The following PACRG variants were observed in gnomAD, a reference collection of about 807,000 sequenced individuals.
The protein encoded by PACRG is parkin coregulated gene protein.
In PACRG, 29 loss-of-function variants were observed where a neutral mutation model predicts 29.7. The ratio of observed to expected loss-of-function variants is 0.98; its 90% CI spans 0.73 to 1.33. The LOEUF is 1.33. PACRG is among the 40% of genes most tolerant of loss of function. The pLI is 0.00. For missense variants in PACRG, 279 were observed against 316.2 expected (o/e 0.88, Z 0.89); for synonymous variants, 116 against 118.7 (o/e 0.98, Z 0.15).
rs1250560241 is a variant in PACRG at position 162,773,547 on chromosome 6, G to A, written c.157-40600G>A. On this transcript the variant is annotated intron_variant, in intron 1 of 4. Transcript: ENST00000366888. ...TTTTGAGACGGAGTCTCGCTCTGTC[G>A]CCCAGGCCGGACTGCGGACTGCAGT... is the stretch of plus-strand genomic sequence containing the variant. 4.9e-3 allele frequency among the ~76,000 whole-genome samples: 547 copies of A among 110,590 alleles called. 1 individual carries two copies. The highest frequency in any genetic ancestry group is 0.019 in the African/African-American group (519 of 27,850). The allele number at this position is 110,590 out of a possible 152,430, so 72.6% of individuals were successfully genotyped here. A position where few individuals can be genotyped will look rare whatever the true frequency, so the allele number is the denominator to read the frequency against.
intron 4 of PACRG, among the ~76,000 whole-genome samples, chr6:163,249,357 A>T (rs1782816714): frequency 6.6e-6 from 1 of 152,198 alleles, no homozygotes; most frequent in South Asian, 2.1e-4. Context: ...AAAAAAAAAC[A>T]TGCCCATTAT....
At chr6:163,029,094 C>T (rs1300865156) in intron 2 of PACRG, among the ~76,000 whole-genome samples, 1 of 152,282 alleles carries the variant, frequency 6.6e-6, no homozygotes, top group Admixed American at 6.5e-5. Flanking sequence ...GGAGATGTAA[C>T]GGTGGAGGCA....
intron 1 of PACRG, among the ~76,000 whole-genome samples, chr6:162,736,474 G>A (rs1780172357): frequency 6.6e-6 from 1 of 152,110 alleles, no homozygotes; most frequent in Non-Finnish European, 1.5e-5. Context: ...GGGAGAAAAT[G>A]TGTAATATGA....
chr6:163,203,647 T>C (rs1049603819), intron 4 of PACRG, among the ~76,000 whole-genome samples: 3 of 152,198 alleles, frequency 2.0e-5, no homozygotes, highest in Admixed American at 2.0e-4. Context: ...CCGCTCTTTC[T>C]GAATCCATAG....
chr6:163,167,696 A>G (rs1778878145), intron 4 of PACRG, among the ~76,000 whole-genome samples: 1 of 152,240 alleles, frequency 6.6e-6, no homozygotes, highest in African/African-American at 2.4e-5. Flanking sequence ...AAAAATAGAA[A>G]TTTTAGTTTG....
chr6:162,999,097 G>T (rs1162151506), intron 2 of PACRG, among the ~76,000 whole-genome samples: 3 of 151,500 alleles, frequency 2.0e-5, no homozygotes, highest in Non-Finnish European at 4.4e-5. Flanking sequence ...GAAAGAATAT[G>T]AAAAAAAAGT....
intron 1 of PACRG, among the ~76,000 whole-genome samples, chr6:162,797,727 C>A (rs988347757): frequency 2.0e-5 from 3 of 152,066 alleles, no homozygotes; most frequent in South Asian, 2.1e-4. Context: ...CCAGACTTTA[C>A]GTCTCTTTCA....
chr6:163,256,976 G>T (rs534317132), intron 4 of PACRG, among the ~76,000 whole-genome samples: 1 of 152,030 alleles, frequency 6.6e-6, no homozygotes, highest in Non-Finnish European at 1.5e-5. Context: ...GTGTTCCTTG[G>T]CTCGTAGACA....
At chr6:163,202,819 C>T (rs1446453682) in intron 4 of PACRG, among the ~76,000 whole-genome samples, 2 of 152,172 alleles carry the variant, frequency 1.3e-5, no homozygotes, top group Non-Finnish European at 2.9e-5. Flanking sequence ...CAAGTACTTT[C>T]ACATGGAGTT....
At chr6:162,846,024 C>G (rs1043167082) in intron 2 of PACRG, among the ~76,000 whole-genome samples, 3 of 152,068 alleles carry the variant, frequency 2.0e-5, no homozygotes, top group African/African-American at 7.2e-5. Context: ...GAGCCAGTGA[C>G]AGGGTGGGGG....
chr6:162,740,891 G>T (rs1026208436), intron 1 of PACRG, among the ~76,000 whole-genome samples: 2 of 152,102 alleles, frequency 1.3e-5, no homozygotes, highest in African/African-American at 4.8e-5. Context: ...GAGCCACCAC[G>T]CCCAGCCATT....
intron 3 of PACRG, among the ~76,000 whole-genome samples, chr6:163,083,048 C>T (rs1813225676): frequency 6.6e-6 from 1 of 152,182 alleles, no homozygotes; most frequent in African/African-American, 2.4e-5. Flanking sequence ...ATCAGGGCGT[C>T]TCCTCTTTTC....
At chr6:163,062,653 A>G (rs1272069687) in intron 3 of PACRG, among the ~76,000 whole-genome samples, 1 of 152,094 alleles carries the variant, frequency 6.6e-6, no homozygotes, top group African/African-American at 2.4e-5. Context: ...TTTTTTGTAA[A>G]TGGCATCTCT....
At chr6:163,270,000 A>G (rs971638764) in intron 4 of PACRG, among the ~76,000 whole-genome samples, 5 of 114,492 alleles carry the variant, frequency 4.4e-5, no homozygotes, top group African/African-American at 1.7e-4. Flanking sequence ...AGAAAGAAAG[A>G]AAGAAAGGAG....
At chr6:163,079,623 C>T (rs1221006553) in intron 3 of PACRG, among the ~76,000 whole-genome samples, 1 of 152,062 alleles carries the variant, frequency 6.6e-6, no homozygotes, top group Non-Finnish European at 1.5e-5. Flanking sequence ...TACTATTTTC[C>T]TAGGAGCTCC....
chr6:163,117,893 T>A (rs981403460), intron 4 of PACRG, among the ~76,000 whole-genome samples: 2 of 152,156 alleles, frequency 1.3e-5, no homozygotes, highest in Admixed American at 1.3e-4. Flanking sequence ...TTCATGCTTG[T>A]TGTCTTACCT....
intron 4 of PACRG, among the ~76,000 whole-genome samples, chr6:163,229,117 TG>T (rs766275766): frequency 2.0e-5 from 3 of 152,196 alleles, no homozygotes; most frequent in Non-Finnish European, 4.4e-5. Context: ...CCCAATGCTC[TG>T]GGAGGCTGAG....
At chr6:163,018,318 T>A (rs781601657) in intron 2 of PACRG, among the ~76,000 whole-genome samples, 9 of 152,160 alleles carry the variant, frequency 5.9e-5, no homozygotes, top group Non-Finnish European at 1.0e-4. Flanking sequence ...TTCTTCCTAG[T>A]TTCATAAGTA....
At position 162,965,971 on chromosome 6, in the gene PACRG, C is replaced by T. The variant is rs112948474; in HGVS notation, c.292-96179C>T. ...CATCCAAGTCAACTGAGAGGAATAT[C>T]GTGCAGCTCCGATACACCAATGTGG... On this transcript the variant is annotated intron_variant, in intron 2 of 4. Transcript: ENST00000366888. Among the ~76,000 whole-genome samples, 579 of 152,296 alleles carry T rather than the reference C, an allele frequency of 3.8e-3. 3 individuals carry two copies. The highest frequency in any genetic ancestry group is 0.013 in the African/African-American group (527 of 41,570).
Sources: gnomAD v4.1 joint callset for allele counts (sites outside exome capture counted in the v4.1 genomes callset) on GRCh38, gnomAD v4.1.1 for gene constraint, MANE v1.5 for transcripts, NCBI Gene and HGNC (gene_info 2026-07-23, HGNC 2026-07-21) for gene names.